Variants in SVIL observed in about 807,000 individuals in gnomAD.
The protein encoded by SVIL is archvillin.
A neutral mutation model predicts 240.4 loss-of-function variants in SVIL; 101 were observed. The ratio of observed to expected loss-of-function variants is 0.42; its 90% CI spans 0.36 to 0.50. The LOEUF (loss-of-function observed/expected upper bound fraction) is 0.50. Ranked by LOEUF, SVIL falls within the 20% of genes least tolerant of loss-of-function variation. The pLI is 0.01. For missense variants in SVIL, 2,512 were observed against 2,818.7 expected, an observed-to-expected ratio of 0.89 and a Z score of 2.46; for synonymous variants, 999 against 1,100.0, an observed-to-expected ratio of 0.91 and a Z score of 1.82.
At chr10:29,546,998 A>C (rs779699929) in intron 6 of SVIL, among the ~76,000 whole-genome samples, 9 of 152,234 alleles carry the variant, frequency 5.9e-5, no homozygotes, top group Non-Finnish European at 1.2e-4. Context: ...GTTTTCGGTT[A>C]CATGTTTCCA....
chr10:29,692,923 G>A (rs1265163781), intron 1 of SVIL, among the ~76,000 whole-genome samples: 1 of 152,122 alleles, frequency 6.6e-6, no homozygotes, highest in Non-Finnish European at 1.5e-5. Flanking sequence ...CATGGTCACT[G>A]ACGCTGACAT....
In SVIL at chr10:29,488,759, G is replaced by A; in HGVS notation, c.4193-3C>T. On this transcript the variant is annotated splice_region_variant and splice_polypyrimidine_tract_variant and intron_variant, in intron 22 of 37. Coordinates refer to ENST00000355867, the MANE Select transcript of SVIL (RefSeq NM_021738.3). ...TGAGAAGTTGGAGTTGGAAGACACT[G>A]GGCACGTTGAATAAGGAAACACAAC... 6.2e-7 allele frequency: 1 copy of A among 1,610,508 alleles called. No individual in the cohort carries two copies. The highest frequency in any genetic ancestry group is 1.3e-5 in the African/African-American group (1 of 74,904).
intron 1 of SVIL, among the ~76,000 whole-genome samples, chr10:29,571,826 A>G (rs1955434356): frequency 6.6e-6 from 1 of 152,214 alleles, no homozygotes; most frequent in Non-Finnish European, 1.5e-5. Flanking sequence ...AGCTAAGGAA[A>G]TAGGGCTAGA....
rs541124666 is a variant in SVIL, at chr10:29,552,134, A to C, written c.161-871T>G. On this transcript the variant is annotated intron_variant, in intron 5 of 37. Transcript: ENST00000355867. The stretch of plus-strand genomic sequence containing the variant: ...CCTTGTCTCAAAAAACAAAACAAAA[A>C]AAAAAACCTATCAATCATCACCCTA... 2.6e-3 allele frequency among the ~76,000 whole-genome samples: 395 copies of C among 152,000 alleles called. 4 individuals are homozygous for C. Among genetic ancestry groups the C allele is most frequent in the East Asian group, 0.025 (127 of 5,170 alleles).
At position 29,493,405 on chromosome 10, in the gene SVIL, A is replaced by C. The variant is rs1256065416; in HGVS notation, c.3842-14T>G. On this transcript the variant is annotated splice_polypyrimidine_tract_variant and intron_variant, in intron 20 of 37. Coordinates refer to ENST00000355867, the MANE Select transcript of SVIL (RefSeq NM_021738.3). ...GCATCCCGCCAACTATCAACAAACA[A>C]GCAAAAGACATAAGAGTTTTATAAA... 6.2e-7 allele frequency: 1 copy of C among 1,613,610 alleles called. No individual in the cohort carries two copies. The highest frequency in any genetic ancestry group is 1.7e-5 in the Admixed American group (1 of 59,994).
chr10:29,459,321 TCTGA>T (rs1240832677), intron 36 of SVIL, among the ~76,000 whole-genome samples: 1 of 152,142 alleles, frequency 6.6e-6, no homozygotes, highest in Non-Finnish European at 1.5e-5. Flanking sequence ...GTCTTGTTTC[TCTGA>T]CTTATAGATC....
In SVIL at chr10:29,531,749, A is replaced by C. The variant is rs564359934; in HGVS notation, c.2009+253T>G. On this transcript the variant is annotated intron_variant, in intron 9 of 37. Coordinates refer to ENST00000355867, the MANE Select transcript of SVIL (RefSeq NM_021738.3). ...AAAACATTAAAACCATTAAATAAAG[A>C]AAAATAATGTTTCTTACTTCTTATC... 5.9e-5 allele frequency among the ~76,000 whole-genome samples: 9 copies of C among 152,372 alleles called. No individual in the cohort carries two copies. In the East Asian group the frequency reaches 1.3e-3, roughly 23 times the overall value.
At chr10:29,614,582 G>A (rs917898203) in intron 1 of SVIL, among the ~76,000 whole-genome samples, 1 of 152,140 alleles carries the variant, frequency 6.6e-6, no homozygotes, top group Non-Finnish European at 1.5e-5. Flanking sequence ...AACACCACAT[G>A]TTCTCACTCC....
At chr10:29,482,661 T>C (rs1342002818) in intron 27 of SVIL, among the ~76,000 whole-genome samples, 1 of 152,196 alleles carries the variant, frequency 6.6e-6, no homozygotes, top group Non-Finnish European at 1.5e-5. Context: ...CACAGAGAGA[T>C]AGGAAAGAAA....
intron 5 of SVIL, among the ~76,000 whole-genome samples, chr10:29,552,048 AG>A (rs1953395755): frequency 6.6e-6 from 1 of 152,052 alleles, no homozygotes; most frequent in Non-Finnish European, 1.5e-5. Context: ...CAGGAGTTCA[AG>A]GCTGCAGTAA....
At chr10:29,533,590 G>A in intron 7 of SVIL, 132 bp from the exon 8 acceptor site, 2 of 1,406,492 alleles carry the variant, frequency 1.4e-6, no homozygotes, top group Non-Finnish European at 1.9e-6. Context: ...AAAGCATTTT[G>A]GTGTCTAATG....
At position 29,458,194 on chromosome 10, in the gene SVIL, G is replaced by C. The variant is rs1253661695; in HGVS notation, c.*53C>G. 7.2e-6 allele frequency: 11 copies of C among 1,524,606 alleles called. No individual in the cohort carries two copies. The East Asian group carries it at 9.1e-5, about 13-fold the overall frequency. The allele number at this position is 1,524,606 out of a possible 1,614,324, so 94.4% of individuals were successfully genotyped here. On this transcript the variant is annotated 3_prime_UTR_variant, in exon 38 of 38. Coordinates refer to ENST00000355867, the MANE Select transcript of SVIL (RefSeq NM_021738.3). ...TCCAAAAATATATATCCATTTCCCTGGTGCAGTGGTGTTGTTGGACGTGAC... is the reference window on the plus strand; with the variant it reads ...TCCAAAAATATATATCCATTTCCCTCGTGCAGTGGTGTTGTTGGACGTGAC...
intron 28 of SVIL, 28 bp downstream of exon 28, chr10:29,481,556 G>A (rs748557124): frequency 5.6e-6 from 9 of 1,611,862 alleles, no homozygotes; most frequent in African/African-American, 4.0e-5. Context: ...ACCAAGCCCC[G>A]AGTTTTGAGG....
chr10:29,555,194 T>A (rs1953795665), intron 3 of SVIL, 86 bp from the exon 4 acceptor site: 1 of 1,289,010 alleles, frequency 7.8e-7, no homozygotes, highest in African/African-American at 1.5e-5. Flanking sequence ...TTTATTGAAC[T>A]GCAAATTTCA....
intron 2 of SVIL, among the ~76,000 whole-genome samples, chr10:29,686,294 A>G (rs1259573693): frequency 2.6e-5 from 4 of 152,228 alleles, no homozygotes; most frequent in Admixed American, 6.5e-5. Context: ...AATCAGGCCC[A>G]GGAACATGGT....
At chr10:29,478,924 CAAAAAAAAAA>C (rs71020791) in intron 29 of SVIL, among the ~76,000 whole-genome samples, 2 of 63,040 alleles carry the variant, frequency 3.2e-5, no homozygotes, top group African/African-American at 5.6e-5. Flanking sequence ...AACCCTGTCT[CAAAAAAAAAA>C]AAAAAAAAAA....
chr10:29,731,222 A>C (rs1964602338), intron 1 of SVIL, among the ~76,000 whole-genome samples: 1 of 152,230 alleles, frequency 6.6e-6, no homozygotes, highest in African/African-American at 2.4e-5. Flanking sequence ...GAGTCCATCC[A>C]GGGCTGGGCC....
intron 1 of SVIL, among the ~76,000 whole-genome samples, chr10:29,581,476 A>T (rs1955942921): frequency 1.3e-5 from 2 of 152,268 alleles, no homozygotes; most frequent in Non-Finnish European, 2.9e-5. Flanking sequence ...AATTTGAAAC[A>T]GACCACATAG....
chr10:29,623,584 C>A (rs1213574833), intron 1 of SVIL, among the ~76,000 whole-genome samples: 1 of 152,202 alleles, frequency 6.6e-6, no homozygotes, highest in Non-Finnish European at 1.5e-5. Flanking sequence ...GGCGCGGAGG[C>A]TCACGCCTGT....
Sources: gnomAD v4.1 joint callset for allele counts (sites outside exome capture counted in the v4.1 genomes callset) on GRCh38, gnomAD v4.1.1 for gene constraint, MANE v1.5 for transcripts, NCBI Gene and HGNC (gene_info 2026-07-23, HGNC 2026-07-21) for gene names.